STON1: variants seen among roughly 807,000 people sequenced by gnomAD.
The protein encoded by STON1 is stonin-1.
STON1 carries 79 observed loss-of-function variants against 60.9 expected under a neutral mutation model. The ratio of observed to expected loss-of-function variants is 1.30; its 90% confidence interval spans 1.08 to 1.56. STON1 has a LOEUF of 1.56. STON1 is among the 40% of genes most tolerant of loss of function. STON1 has a pLI of 0.00. For missense variants in STON1, 1,166 were observed against 858.9 expected (o/e 1.36, Z -4.47); for synonymous variants, 363 against 306.9 (o/e 1.18, Z -1.91).
intron 1 of STON1, among the ~76,000 whole-genome samples, chr2:48,550,976 A>AT (rs1672078906): frequency 6.6e-6 from 1 of 151,564 alleles, no homozygotes; most frequent in Admixed American, 6.6e-5. Flanking sequence ...CTTAAAAAAA[A>AT]TTTTTTGTAA....
rs574451479 is a variant in STON1, at chr2:48,582,471, C to T, written c.1838C>T (p.Pro613Leu). 6.2e-7 allele frequency: 1 copy of T among 1,614,218 alleles called. No homozygotes were observed. Among genetic ancestry groups the T allele is most frequent in the Non-Finnish European group, 8.5e-7 (1 of 1,180,046 alleles). Reference protein sequence around the residue: ...LGSLQELESEPVIQVTVGSAK... With the variant: ...LGSLQELESELVIQVTVGSAK... ...AGTTTACAGGAACTTGAATCTGAACCTGTCATTCAAGTCACTGTGGGGTCA... is the reference window on the plus strand; with the variant it reads ...AGTTTACAGGAACTTGAATCTGAACTTGTCATTCAAGTCACTGTGGGGTCA... Residue 613 changes from proline (P) to leucine (L), a missense_variant, in exon 2 of 4, where the codon CCT becomes CTT. By Grantham distance (98) the Pro-to-Leu change is moderately conservative (BLOSUM62 -3). Coordinates refer to ENST00000404752, the MANE Select transcript of STON1 (RefSeq NM_006873.4).
At chr2:48,542,754 A>G (rs1671704247) in intron 1 of STON1, among the ~76,000 whole-genome samples, 1 of 152,054 alleles carries the variant, frequency 6.6e-6, no homozygotes, top group Non-Finnish European at 1.5e-5. Flanking sequence ...AAATACAAAA[A>G]TTAGCCAGAC....
At chr2:48,550,563 G>GTA (rs1353903719) in intron 1 of STON1, among the ~76,000 whole-genome samples, 1 of 147,808 alleles carries the variant, frequency 6.8e-6, no homozygotes, top group Non-Finnish European at 1.5e-5. Flanking sequence ...ATATGTGTGT[G>GTA]TATATATATA....
At chr2:48,590,695 C>G (rs918790458) in intron 2 of STON1, among the ~76,000 whole-genome samples, 7 of 141,732 alleles carry the variant, frequency 4.9e-5, no homozygotes, top group African/African-American at 1.6e-4. Flanking sequence ...TGAAATATAT[C>G]CAGTATCTCT....
At chr2:48,535,454 C>T (rs1258630242) in intron 1 of STON1, among the ~76,000 whole-genome samples, 4 of 152,070 alleles carry the variant, frequency 2.6e-5, no homozygotes, top group Non-Finnish European at 4.4e-5. Flanking sequence ...CTCCTGGGAT[C>T]ACTCATCCAT....
chr2:48,595,237 G>C lies in STON1; in HGVS notation c.2143G>C (p.Glu715Gln), dbSNP rs1325570634. The C allele has an allele frequency of 6.2e-7, 1 of 1,613,510 alleles. No individual in the cohort carries two copies. The highest frequency in any genetic ancestry group is 1.3e-5 in the African/African-American group (1 of 74,902). ...TGCTTTTGCATAACAGGTTGAAATA[G>C]AAAAGAAGTGGATTAAAATCGATGG... ...RACYNIQVEI[E>Q]KKWIKIDGED... Residue 715 changes from glutamate (E) to glutamine (Q), a missense_variant, in exon 4 of 4, where the codon GAA (glutamate) becomes CAA (glutamine). Glu to Gln is a conservative substitution (Grantham distance 29). Coordinates refer to ENST00000404752, the MANE Select transcript of STON1 (RefSeq NM_006873.4).
chr2:48,555,263 T>C (rs1672276791), intron 1 of STON1, among the ~76,000 whole-genome samples: 2 of 102,288 alleles, frequency 2.0e-5, no homozygotes, highest in Non-Finnish European at 4.1e-5. Flanking sequence ...GACGGGGAGG[T>C]GGCTGGGCAG....
intron 1 of STON1, among the ~76,000 whole-genome samples, chr2:48,544,718 G>C (rs1011238419): frequency 6.6e-6 from 1 of 151,024 alleles, no homozygotes; most frequent in African/African-American, 2.4e-5. Context: ...GCTAGTTTTT[G>C]TATTTTTCGT....
chr2:48,595,405 G>C lies in STON1; in HGVS notation c.*103G>C, dbSNP rs533361887. 1 of 991,796 alleles carries C rather than the reference G, an allele frequency of 1.0e-6. No homozygotes were observed. Among genetic ancestry groups the C allele is most frequent in the Non-Finnish European group, 1.5e-6 (1 of 647,876 alleles). The allele number at this position is 991,796 out of a possible 1,614,324, so 61.4% of individuals were successfully genotyped here. On this transcript the variant is annotated 3_prime_UTR_variant, in exon 4 of 4. Transcript: ENST00000404752. ...AGAGTGGAAATGACTTCTGAATAGCGGTTTTAGGACAGGTCTGATGGCTGT... is the reference window on the plus strand; with the variant it reads ...AGAGTGGAAATGACTTCTGAATAGCCGTTTTAGGACAGGTCTGATGGCTGT...
At position 48,588,956 on chromosome 2, in the gene STON1, T is replaced by TG. The variant is rs796319806; in HGVS notation, c.1931-2693dup. On this transcript the variant is annotated intron_variant, in intron 2 of 3. Transcript: ENST00000404752. ...GACAGCAGAGGAGCTTAGGCTTTGT[T>TG]GGGGTGATAGAGAGAGAAAGAGAAA... is the stretch of plus-strand genomic sequence containing the variant. 1.2e-4 allele frequency among the ~76,000 whole-genome samples: 18 copies of TG among 152,166 alleles called. No individual in the cohort carries two copies. The South Asian group carries it at 3.7e-3, about 32-fold the overall frequency.
intron 1 of STON1, among the ~76,000 whole-genome samples, chr2:48,576,957 G>C (rs183588955): frequency 9.3e-4 from 142 of 152,150 alleles, no homozygotes; most frequent in Non-Finnish European, 1.7e-3. Flanking sequence ...GGGAGGCTGA[G>C]GTAGGAGAAT....
intron 1 of STON1, among the ~76,000 whole-genome samples, chr2:48,568,634 A>G (rs1673050787): frequency 6.6e-6 from 1 of 152,190 alleles, no homozygotes; most frequent in Admixed American, 6.5e-5. Context: ...CTGAGAAATT[A>G]TTCATCACTA....
At chr2:48,545,819 C>A (rs578249498) in intron 1 of STON1, among the ~76,000 whole-genome samples, 29 of 152,290 alleles carry the variant, frequency 1.9e-4, no homozygotes, top group Admixed American at 6.5e-4. Context: ...ATTCAGCCCC[C>A]ACTTAATGAG....
At chr2:48,572,999 A>G (rs770383489) in intron 1 of STON1, among the ~76,000 whole-genome samples, 1 of 152,216 alleles carries the variant, frequency 6.6e-6, no homozygotes, top group African/African-American at 2.4e-5. Flanking sequence ...GATGCAGCAA[A>G]TGACAACAGT....
chr2:48,537,588 C>A (rs1236275236), intron 1 of STON1, among the ~76,000 whole-genome samples: 1 of 152,076 alleles, frequency 6.6e-6, no homozygotes, highest in African/African-American at 2.4e-5. Flanking sequence ...GTGGCTCATG[C>A]CTGTAATTCC....
At chr2:48,576,185 C>CTTTTTTTTTTTTTTTT (rs34849002) in intron 1 of STON1, among the ~76,000 whole-genome samples, 1 of 63,062 alleles carries the variant, frequency 1.6e-5, no homozygotes, top group African/African-American at 7.2e-5. Context: ...GTTTTCCTTT[C>CTTTTTTTTTTTTTTTT]TTTTTTTTTT....
At position 48,580,724 on chromosome 2, in the gene STON1, A is replaced by G. The variant is rs1018862624; in HGVS notation, c.91A>G (p.Asn31Asp). Residue 31 changes from asparagine (N) to aspartate (D), a missense_variant, in exon 2 of 4, where the codon AAT becomes GAT. Transcript: ENST00000404752. The stretch of plus-strand genomic sequence containing the variant: ...AAAGTCAAAGAATTTTCCTCTGGAG[A>G]ATCAAGGTGTCTGTAGACCAAATGG... ...SQKSKNFPLE[N>D]QGVCRPNGLK... is the part of the protein sequence containing the mutation. 4.0e-6 allele frequency: 6 copies of G among 1,495,828 alleles called. No homozygotes were observed. Among genetic ancestry groups the G allele is most frequent in the Non-Finnish European group, 5.3e-6 (6 of 1,121,954 alleles). 92.7% of individuals were successfully genotyped at this position (1,495,828 alleles called of 1,614,324 possible).
chr2:48,588,337 C>A (rs903270455), intron 2 of STON1, among the ~76,000 whole-genome samples: 8 of 152,114 alleles, frequency 5.3e-5, no homozygotes, highest in Admixed American at 4.6e-4. Flanking sequence ...TCAAGATTGT[C>A]TCGGAAAACT....
At chr2:48,560,288 C>T (rs1165065130) in intron 1 of STON1, among the ~76,000 whole-genome samples, 1 of 152,346 alleles carries the variant, frequency 6.6e-6, no homozygotes, top group Non-Finnish European at 1.5e-5. Context: ...AAACGCTCTT[C>T]AGCTAACTTG....
Sources: gnomAD v4.1 joint callset for allele counts (sites outside exome capture counted in the v4.1 genomes callset) on GRCh38, gnomAD v4.1.1 for gene constraint, MANE v1.5 for transcripts, NCBI Gene and HGNC (gene_info 2026-07-23, HGNC 2026-07-21) for gene names.